RGS3: variants seen among roughly 807,000 people sequenced by gnomAD.
RGS3 encodes the protein regulator of G-protein signalling 3.
A neutral mutation model predicts 132.6 loss-of-function variants in RGS3; 80 were observed. That is an observed-to-expected ratio of 0.60 (90% CI 0.50 to 0.73). The LOEUF is 0.73. Among genes scored for constraint, RGS3 ranks in the 30% least tolerant of loss-of-function variants. RGS3 has a pLI of 0.00. For synonymous variants in RGS3, 598 were observed against 620.6 expected, an observed-to-expected ratio of 0.96 and a Z score of 0.54; for missense variants, 1,382 against 1,530.8, an observed-to-expected ratio of 0.90 and a Z score of 1.62.
rs202216526 is a variant in RGS3, at chr9:113,507,531, G to A, written c.1330G>A (p.Glu444Lys). Residue 444 changes from glutamate (E) to lysine (K), a missense_variant, in exon 13 of 25, where the codon GAG becomes AAG. Physicochemically the swap from Glu to Lys is moderately conservative, Grantham distance 56 (BLOSUM62 1). Coordinates refer to ENST00000350696, the Ensembl canonical transcript of RGS3. This position sits in a 1 kb window ranked among gnomAD's most constrained non-coding sequence, Gnocchi z 5.0. ...GCTCGGCGGCTGGGAGCGCTACACC[G>A]AGGTGGCCAAGCGCGGGGGCCAGCA... 2.6e-5 allele frequency: 42 copies of A among 1,604,462 alleles called. No individual in the cohort carries two copies. The highest frequency in any genetic ancestry group is 1.7e-4 in the Middle Eastern group (1 of 6,026).
Position 113,506,252 on chromosome 9 carries a change from T to C in RGS3, c.980-136T>C, listed in dbSNP as rs1831127720. On this transcript the variant is annotated intron_variant, in intron 11 of 24. Transcript: ENST00000350696. The surrounding 1 kb of genome is among the most constrained non-coding windows in gnomAD (Gnocchi z 4.7). ...CTTGAGAGGCACCAAGTTCAGTCCC[T>C]CATTTCACGGATGAAGAAACTTAGA... 1.6e-6 allele frequency: 1 copy of C among 618,520 alleles called. No individual in the cohort carries two copies. The highest frequency in any genetic ancestry group is 2.9e-5 in the Admixed American group (1 of 34,396). 38.3% of individuals were successfully genotyped at this position (618,520 alleles called of 1,614,324 possible). A position where few individuals can be genotyped will look rare whatever the true frequency, so the allele number is the denominator to read the frequency against.
At chr9:113,485,094 A>AT (rs5900053) in intron 6 of RGS3, among the ~76,000 whole-genome samples, 116,751 of 149,764 alleles carry the variant, frequency 0.78, 45,783 homozygotes, top group East Asian at 0.95. Flanking sequence ...CAAAAATGGA[A>AT]TTTTTTTTTT....
intron 20 of RGS3, among the ~76,000 whole-genome samples, chr9:113,589,534 C>T (rs567073373): frequency 7.9e-5 from 12 of 152,268 alleles, no homozygotes; most frequent in African/African-American, 1.7e-4. Flanking sequence ...CTGAGGATGG[C>T]GGCTGGGTGG....
At chr9:113,486,037 G>A (rs1205037284) in intron 7 of RGS3, among the ~76,000 whole-genome samples, 1 of 152,198 alleles carries the variant, frequency 6.6e-6, no homozygotes, top group Non-Finnish European at 1.5e-5. Flanking sequence ...ATAACAACAT[G>A]TACGTGCTCA....
At chr9:113,510,984 C>T (rs924960127) in intron 14 of RGS3, among the ~76,000 whole-genome samples, 4 of 152,204 alleles carry the variant, frequency 2.6e-5, no homozygotes, top group African/African-American at 4.8e-5. Flanking sequence ...CTTAGTCCCC[C>T]TCCTCTGGCT....
Position 113,537,316 on chromosome 9 carries a change from A to C in RGS3, c.2037+398A>C, listed in dbSNP as rs1267966136. 6.6e-6 allele frequency among the ~76,000 whole-genome samples: 1 copy of C among 152,144 alleles called. No homozygotes were observed. On this transcript the variant is annotated intron_variant, in intron 19 of 24. Coordinates refer to ENST00000350696, the Ensembl canonical transcript of RGS3. The surrounding 1 kb of genome is among the most constrained non-coding windows in gnomAD (Gnocchi z 4.3). ...AACATTGGCCCCAGGCGGATGCGAT[A>C]GAGGGGATGTTTGCGGCAGAAGCTG...
chr9:113,539,778 C>G (rs754674687), intron 19 of RGS3, among the ~76,000 whole-genome samples: 1 of 152,226 alleles, frequency 6.6e-6, no homozygotes, highest in Non-Finnish European at 1.5e-5. Flanking sequence ...ATGTAAAGCT[C>G]TTCCCAAATT....
intron 20 of RGS3, among the ~76,000 whole-genome samples, chr9:113,587,523 G>C (rs1046293751): frequency 6.6e-6 from 1 of 152,168 alleles, no homozygotes; most frequent in Non-Finnish European, 1.5e-5. Context: ...GGAGTCCCCC[G>C]GGAGTTGTCC....
chr9:113,495,658 C>T (rs545966432), intron 7 of RGS3, 128 bp from the exon 6 acceptor site: 26 of 765,458 alleles, frequency 3.4e-5, no homozygotes, highest in Middle Eastern at 2.3e-4. Flanking sequence ...AAGGATCAAA[C>T]GAGATGATGT....
chr9:113,504,453 G>A lies in RGS3; in HGVS notation c.898-989G>A, dbSNP rs975006886. Among the ~76,000 whole-genome samples, 12 of 152,336 alleles carry A rather than the reference G, an allele frequency of 7.9e-5. No homozygotes were observed. The South Asian group carries it at 2.3e-3, about 29-fold the overall frequency. ...CCTCCTGTGTGTGGGACACTGCCAG[G>A]CTGTCCTCCCTGCATTAGCCTCTGC... On this transcript the variant is annotated intron_variant, in intron 10 of 24. Coordinates refer to ENST00000350696, the Ensembl canonical transcript of RGS3.
intron 18 of RGS3, among the ~76,000 whole-genome samples, chr9:113,536,086 G>A (rs1435056704): frequency 6.6e-6 from 1 of 152,232 alleles, no homozygotes; most frequent in East Asian, 1.9e-4. Context: ...GGGGTTTGTA[G>A]TTTAGTTGGG....
At chr9:113,514,730 G>A in intron 15 of RGS3, 76 bp downstream of exon 13, 1 of 1,446,082 alleles carries the variant, frequency 6.9e-7, no homozygotes, top group Non-Finnish European at 9.5e-7. Flanking sequence ...CAGGACTCAG[G>A]GATGATGACT....
intron 7 of RGS3, among the ~76,000 whole-genome samples, chr9:113,493,585 T>G (rs1268387776): frequency 1.3e-5 from 2 of 152,196 alleles, no homozygotes; most frequent in Non-Finnish European, 2.9e-5. Context: ...AGTTTTGTTT[T>G]GCTTAGGACT....
chr9:113,591,373 C>T lies in RGS3; in HGVS notation c.3056C>T (p.Ser1019Phe). The T allele has an allele frequency of 6.2e-7, 1 of 1,613,690 alleles. No individual in the cohort carries two copies. Among genetic ancestry groups the T allele is most frequent in the South Asian group, 1.1e-5 (1 of 91,082 alleles). The stretch of plus-strand genomic sequence containing the variant: ...ACCGTTGGGGATGATGACGAAGCCT[C>T]CCGGAAGAGAAAGAGCAAAAACCTG... Residue 1019 changes from serine to phenylalanine, a missense_variant, in exon 21 of 25, where the codon TCC becomes TTC. Ser to Phe is a radical substitution (Grantham distance 155). Coordinates refer to ENST00000350696, the Ensembl canonical transcript of RGS3. The surrounding 1 kb of genome is among the most constrained non-coding windows in gnomAD (Gnocchi z 4.4).
intron 18 of RGS3, among the ~76,000 whole-genome samples, chr9:113,531,745 C>T (rs571713935): frequency 7.9e-5 from 12 of 152,322 alleles, no homozygotes; most frequent in South Asian, 2.1e-4. Context: ...TCTCCTCTCC[C>T]GAGACCTCCT....
chr9:113,479,604 G>C, intron 4 of RGS3, 63 bp downstream of exon 2: 1 of 1,524,462 alleles, frequency 6.6e-7, no homozygotes, highest in Non-Finnish European at 9.1e-7. Context: ...GCTGCCTGGG[G>C]CTGGGGTTGG....
At position 113,595,866 on chromosome 9, in the gene RGS3, G is replaced by C. The variant is rs563559277; in HGVS notation, c.3411+101G>C. On this transcript the variant is annotated intron_variant, in intron 24 of 24. Coordinates refer to ENST00000350696, the Ensembl canonical transcript of RGS3. ...AGCAGCACAGGAAGGGGAGAGGCCA[G>C]AATGACTCCATGAGCCCAGGTACCC... 332 of 1,306,900 alleles carry C rather than the reference G, an allele frequency of 2.5e-4. 2 individuals are homozygous for C. In the African/African-American group the frequency reaches 4.5e-3, roughly 18 times the overall value. The allele number at this position is 1,306,900 out of a possible 1,614,324, so 81.0% of individuals were successfully genotyped here. A position where few individuals can be genotyped will look rare whatever the true frequency, so the allele number is the denominator to read the frequency against.
chr9:113,485,694 G>T lies in RGS3; in HGVS notation c.689+1G>T. ...TGTGGAACAGGGCCAGCCAGTCCAG[G>T]TGAGGAGAGCTGCTGAGCTGGAGGG... On this transcript the variant is annotated splice_donor_variant, in intron 7 of 24. Transcript: ENST00000350696. LOFTEE classifies it high-confidence loss of function. 1 of 1,585,898 alleles carries T rather than the reference G, an allele frequency of 6.3e-7. No individual in the cohort carries two copies. Among genetic ancestry groups the T allele is most frequent in the Non-Finnish European group, 8.6e-7 (1 of 1,165,744 alleles).
At position 113,463,821 on chromosome 9, in the gene RGS3, C is replaced by T. The variant is rs754033106; in HGVS notation, c.415+1620C>T. On this transcript the variant is annotated intron_variant, in intron 3 of 24. Coordinates refer to ENST00000350696, the Ensembl canonical transcript of RGS3. The surrounding 1 kb of genome is among the most constrained non-coding windows in gnomAD (Gnocchi z 4.6). ...GGACGCCATGGAGCGCTCCCTGCAC[C>T]GCGTCTCCCTCGGGAGCCGGCGTGC... 3.1e-6 allele frequency: 5 copies of T among 1,612,748 alleles called. No homozygotes were observed. Among genetic ancestry groups the T allele is most frequent in the Middle Eastern group, 3.3e-4 (2 of 6,058 alleles).
Sources: allele counts gnomAD v4.1 joint callset (sites outside exome capture counted in the v4.1 genomes callset), GRCh38; gene constraint gnomAD v4.1.1; non-coding constraint Gnocchi (gnomAD v3.1); transcripts MANE v1.5; gene names NCBI Gene and HGNC (gene_info 2026-07-23, HGNC 2026-07-21).